Variants in TMEM132D observed in about 807,000 individuals in gnomAD.
TMEM132D encodes the protein transmembrane protein 132D.
A neutral mutation model predicts 62.3 loss-of-function variants in TMEM132D; 21 were observed. The observed-to-expected ratio is 0.34, with a 90% CI of 0.24 to 0.49. The LOEUF is 0.49. TMEM132D is among the 20% of genes least tolerant of loss of function. The pLI is 0.99. For synonymous variants in TMEM132D, 621 were observed against 575.6 expected, an observed-to-expected ratio of 1.08 and a Z score of -1.13; for missense variants, 1,346 against 1,402.8, an observed-to-expected ratio of 0.96 and a Z score of 0.65.
chr12:129,220,080 A>C (rs908270625), intron 4 of TMEM132D, among the ~76,000 whole-genome samples: 1 of 152,216 alleles, frequency 6.6e-6, no homozygotes, highest in Admixed American at 6.5e-5. Context: ...ATATTGTATC[A>C]GTCAGGGATG....
At chr12:129,883,679 T>G (rs1874670697) in intron 1 of TMEM132D, among the ~76,000 whole-genome samples, 1 of 152,170 alleles carries the variant, frequency 6.6e-6, no homozygotes, top group Admixed American at 6.5e-5. Flanking sequence ...CAGGACAATG[T>G]TGTATTGGTG....
Position 129,636,791 on chromosome 12 carries a change from CA to C in TMEM132D, c.968+63018del, listed in dbSNP as rs376114902. 2.1e-3 allele frequency among the ~76,000 whole-genome samples: 314 copies of C among 148,926 alleles called. 1 individual carries two copies. The highest frequency in any genetic ancestry group is 7.2e-3 in the Middle Eastern group (2 of 276). On this transcript the variant is annotated intron_variant, in intron 2 of 8. Coordinates refer to ENST00000422113, the MANE Select transcript of TMEM132D (RefSeq NM_133448.3). ...GAAAGAAAGAGATATCAATTTGGTT[CA>C]AAAGACTGGTATGAACCTGACTGGT...
Position 129,080,308 on chromosome 12 carries a change from C to G in TMEM132D, c.1923+1451G>C, listed in dbSNP as rs529720995. 1.1e-4 allele frequency among the ~76,000 whole-genome samples: 16 copies of G among 152,270 alleles called. No individual in the cohort carries two copies. In the South Asian group the frequency reaches 2.9e-3, roughly 28 times the overall value. ...TTTGGCTCTGAGTAAGAGCTTGCCCCTTTTCCACAGGCACCACCACTCCCT... is the reference window on the plus strand; with the variant it reads ...TTTGGCTCTGAGTAAGAGCTTGCCCGTTTTCCACAGGCACCACCACTCCCT... On this transcript the variant is annotated intron_variant, in intron 7 of 8. Transcript: ENST00000422113.
At chr12:129,804,279 C>T (rs1871899708) in intron 1 of TMEM132D, among the ~76,000 whole-genome samples, 1 of 95,074 alleles carries the variant, frequency 1.1e-5, no homozygotes, top group African/African-American at 3.7e-5. Context: ...AACATTGATG[C>T]AAAAATCCTC....
intron 5 of TMEM132D, among the ~76,000 whole-genome samples, chr12:129,101,126 G>C (rs1875293111): frequency 6.6e-6 from 1 of 152,162 alleles, no homozygotes; most frequent in Admixed American, 6.5e-5. Flanking sequence ...GATGGCAGGG[G>C]TCTAAGCTTT....
At chr12:129,528,448 A>T (rs1876119929) in intron 3 of TMEM132D, among the ~76,000 whole-genome samples, 2 of 137,030 alleles carry the variant, frequency 1.5e-5, no homozygotes, top group South Asian at 4.6e-4. Flanking sequence ...AAAAAAAAAA[A>T]AAAATCAAAC....
intron 2 of TMEM132D, among the ~76,000 whole-genome samples, chr12:129,637,624 G>T (rs182037004): frequency 6.6e-6 from 1 of 152,222 alleles, no homozygotes; most frequent in Admixed American, 6.5e-5. Context: ...CCCTAGCCAT[G>T]CTTCCTGTAA....
At chr12:129,556,105 C>T (rs1403725878) in intron 2 of TMEM132D, among the ~76,000 whole-genome samples, 1 of 152,186 alleles carries the variant, frequency 6.6e-6, no homozygotes, top group Non-Finnish European at 1.5e-5. Flanking sequence ...CCACAGGGTG[C>T]TCCACACTCC....
intron 4 of TMEM132D, among the ~76,000 whole-genome samples, chr12:129,313,173 A>G (rs75939770): frequency 7.2e-6 from 1 of 138,038 alleles, no homozygotes; most frequent in Non-Finnish European, 1.5e-5. Flanking sequence ...TTTATTTTAT[A>G]TTTTATTTTT....
intron 4 of TMEM132D, among the ~76,000 whole-genome samples, chr12:129,324,814 C>G (rs545108368): frequency 3.9e-5 from 6 of 151,988 alleles, no homozygotes; most frequent in African/African-American, 1.4e-4. Context: ...GGCAATAGAG[C>G]GAGACTCCAT....
intron 1 of TMEM132D, among the ~76,000 whole-genome samples, chr12:129,874,612 A>G (rs1874356843): frequency 6.8e-6 from 1 of 147,424 alleles, no homozygotes. Context: ...AAAAAAACGG[A>G]GGTCAAAAAG....
chr12:129,514,054 T>C (rs1246914949), intron 3 of TMEM132D, among the ~76,000 whole-genome samples: 2 of 150,768 alleles, frequency 1.3e-5, no homozygotes, highest in Non-Finnish European at 3.0e-5. Context: ...TCAGCCAGGA[T>C]GGTCTCGATC....
At position 129,337,801 on chromosome 12, in the gene TMEM132D, A is replaced by G. The variant is rs745357035; in HGVS notation, c.1132T>C (p.Tyr378His). 2 of 1,610,814 alleles carry G rather than the reference A, an allele frequency of 1.2e-6. No individual in the cohort carries two copies. Among genetic ancestry groups the G allele is most frequent in the Non-Finnish European group, 1.7e-6 (2 of 1,178,016 alleles). ...GSENSADGAS[Y>H]EVMQIDVEVE... ...TCCACATCGATCTGCATGACCTCGT[A>G]GGAGGCGCCATCCGCACTGGAGAGA... Residue 378 changes from tyrosine (Y) to histidine (H), a missense_variant, in exon 4 of 9, where the codon TAC becomes CAC. Coordinates refer to ENST00000422113, the MANE Select transcript of TMEM132D (RefSeq NM_133448.3).
chr12:129,663,338 A>G (rs1880292056), intron 2 of TMEM132D, among the ~76,000 whole-genome samples: 1 of 152,160 alleles, frequency 6.6e-6, no homozygotes, highest in Non-Finnish European at 1.5e-5. Context: ...GGGTTTCACC[A>G]TGTTGGTCAG....
At chr12:129,644,317 C>A (rs1426076936) in intron 2 of TMEM132D, among the ~76,000 whole-genome samples, 2 of 152,218 alleles carry the variant, frequency 1.3e-5, no homozygotes, top group African/African-American at 4.8e-5. Flanking sequence ...TCAGAGTTCA[C>A]AATTCTTAGA....
At chr12:129,153,695 G>C (rs1035137068) in intron 5 of TMEM132D, among the ~76,000 whole-genome samples, 20 of 152,116 alleles carry the variant, frequency 1.3e-4, no homozygotes, top group African/African-American at 4.8e-4. Flanking sequence ...AGAACCCCAA[G>C]CTCAGTGGTT....
intron 4 of TMEM132D, among the ~76,000 whole-genome samples, chr12:129,258,722 C>T (rs7137102): frequency 0.016 from 2,424 of 152,234 alleles, 63 homozygotes; most frequent in African/African-American, 0.055. Flanking sequence ...GTACCAAGCA[C>T]GGTGCTAGGC....
At chr12:129,094,093 G>C (rs1875020442) in intron 5 of TMEM132D, among the ~76,000 whole-genome samples, 1 of 152,002 alleles carries the variant, frequency 6.6e-6, no homozygotes, top group African/African-American at 2.4e-5. Flanking sequence ...AGAAAACCTA[G>C]GCTTTACCAT....
chr12:129,466,392 GCCTTGAACT>G (rs1040756095), intron 3 of TMEM132D, among the ~76,000 whole-genome samples: 9 of 145,124 alleles, frequency 6.2e-5, no homozygotes, highest in African/African-American at 1.8e-4. Context: ...GCTCACTGCA[GCCTTGAACT>G]CCTGGGCTAA....
Sources: allele counts gnomAD v4.1 joint callset (sites outside exome capture counted in the v4.1 genomes callset), GRCh38; gene constraint gnomAD v4.1.1; transcripts MANE v1.5; gene names NCBI Gene and HGNC (gene_info 2026-07-23, HGNC 2026-07-21).